The following C12orf56 variants were observed in gnomAD, a reference collection of about 807,000 sequenced individuals.
C12orf56 encodes chromosome 12 open reading frame 56, also known as uncharacterized protein C12orf56.
Under a neutral mutation model 69.9 loss-of-function variants are expected in C12orf56, and 71 were observed. The observed-to-expected ratio is 1.02, with a 90% CI of 0.84 to 1.24. The LOEUF is 1.24. C12orf56 is among the 50% of genes most tolerant of loss of function. The pLI, the probability that C12orf56 is intolerant of heterozygous loss-of-function variation, is 0.00. For missense variants in C12orf56, 732 were observed against 738.5 expected, an observed-to-expected ratio of 0.99 and a Z score of 0.10; for synonymous variants, 276 against 274.1, an observed-to-expected ratio of 1.01 and a Z score of -0.07.
chr12:64,310,305 C>A (rs547553502), intron 5 of C12orf56, among the ~76,000 whole-genome samples: 70 of 152,238 alleles, frequency 4.6e-4, no homozygotes, highest in Middle Eastern at 6.8e-3. Context: ...CCATACCTGG[C>A]CCCACTTCAC....
At chr12:64,365,545 G>A (rs1198896491) in intron 1 of C12orf56, among the ~76,000 whole-genome samples, 1 of 151,428 alleles carries the variant, frequency 6.6e-6, no homozygotes, top group Admixed American at 6.6e-5. Flanking sequence ...CACTGCTAAT[G>A]AGTGGCAGAC....
At chr12:64,354,701 A>G (rs1037508191) in intron 1 of C12orf56, among the ~76,000 whole-genome samples, 8 of 149,690 alleles carry the variant, frequency 5.3e-5, no homozygotes, top group African/African-American at 2.0e-4. Flanking sequence ...TCAGGACCTC[A>G]GGTGATCCAT....
chr12:64,274,576 A>G (rs1400589163), intron 11 of C12orf56, among the ~76,000 whole-genome samples: 2 of 152,160 alleles, frequency 1.3e-5, no homozygotes, highest in Non-Finnish European at 2.9e-5. Flanking sequence ...CAAGTGTTAG[A>G]TTCATGCTCA....
chr12:64,280,871 C>A (rs1025840147), intron 8 of C12orf56, among the ~76,000 whole-genome samples: 5 of 152,154 alleles, frequency 3.3e-5, no homozygotes, highest in African/African-American at 1.2e-4. Flanking sequence ...GCAAAGGATC[C>A]AGTTAAGCTG....
At chr12:64,367,292 C>T (rs148449134) in intron 1 of C12orf56, among the ~76,000 whole-genome samples, 2,003 of 105,854 alleles carry the variant, frequency 0.019, 34 homozygotes, top group Middle Eastern at 0.054. Context: ...ATATAATATA[C>T]AGTTTATATA....
At chr12:64,350,943 AT>A (rs57798284) in intron 2 of C12orf56, among the ~76,000 whole-genome samples, 64,788 of 151,984 alleles carry the variant, frequency 0.43, 14,175 homozygotes, top group Non-Finnish European at 0.48. Flanking sequence ...AAACTTATAC[AT>A]TTGTCATGAA....
chr12:64,328,586 A>T (rs2136858960), intron 3 of C12orf56, among the ~76,000 whole-genome samples: 1 of 149,482 alleles, frequency 6.7e-6, no homozygotes, highest in South Asian at 2.2e-4. Context: ...AGGCTGAGGC[A>T]GGAGAATCAC....
intron 7 of C12orf56, among the ~76,000 whole-genome samples, chr12:64,284,963 G>A (rs1044020081): frequency 3.3e-5 from 5 of 152,212 alleles, no homozygotes; most frequent in East Asian, 1.9e-4. Context: ...TTTGCTGGTC[G>A]GGCGGGGTAG....
intron 1 of C12orf56, among the ~76,000 whole-genome samples, chr12:64,378,157 A>T (rs1473677535): frequency 6.6e-6 from 1 of 152,244 alleles, no homozygotes; most frequent in African/African-American, 2.4e-5. Flanking sequence ...AGTACTGCTC[A>T]CAAATATTAC....
chr12:64,276,010 C>T (rs1003363379), intron 9 of C12orf56, among the ~76,000 whole-genome samples: 5 of 150,724 alleles, frequency 3.3e-5, no homozygotes, highest in East Asian at 2.0e-4. Flanking sequence ...CACCCCCCCC[C>T]GCGAGTTGAG....
intron 6 of C12orf56, among the ~76,000 whole-genome samples, 170 bp downstream of exon 6, chr12:64,303,465 T>C (rs897128012): frequency 6.6e-6 from 1 of 151,194 alleles, no homozygotes; most frequent in Non-Finnish European, 1.5e-5. Flanking sequence ...ACATTACTGA[T>C]TGCATCACAA....
Position 64,277,356 on chromosome 12 carries a change from T to G in C12orf56, c.1434+324A>C, listed in dbSNP as rs953152888. On this transcript the variant is annotated intron_variant, in intron 9 of 12. Transcript: ENST00000543942. The stretch of plus-strand genomic sequence containing the variant: ...GCTATGGAATTACATATACATCATG[T>G]TTTGTACACAGACAGACATAAACAG... Among the ~76,000 whole-genome samples, 71 of 152,254 alleles carry G rather than the reference T, an allele frequency of 4.7e-4. 1 individual carries two copies. The highest frequency in any genetic ancestry group is 1.7e-3 in the African/African-American group (70 of 41,560).
rs151023743 is a variant in C12orf56 at position 64,281,202 on chromosome 12, G to A, written c.1311-3399C>T. 1.9e-4 allele frequency among the ~76,000 whole-genome samples: 29 copies of A among 152,118 alleles called. 1 individual carries two copies. In the East Asian group the frequency reaches 4.1e-3, roughly 21 times the overall value. ...GCACAAGAATTGCTTGAACCCAGGGGGCGGAGATTACAGTCAGCCAAGATC... is the reference window on the plus strand; with the variant it reads ...GCACAAGAATTGCTTGAACCCAGGGAGCGGAGATTACAGTCAGCCAAGATC... On this transcript the variant is annotated intron_variant, in intron 8 of 12. Coordinates refer to ENST00000543942, the MANE Select transcript of C12orf56 (RefSeq NM_001170633.2).
At position 64,267,116 on chromosome 12, in the gene C12orf56, G is replaced by A. The variant is rs184123767; in HGVS notation, c.*67C>T. The A allele has an allele frequency of 3.7e-4, 437 of 1,177,090 alleles. No individual in the cohort carries two copies. Among genetic ancestry groups the A allele is most frequent in the Middle Eastern group, 2.7e-3 (14 of 5,144 alleles). The allele number at this position is 1,177,090 out of a possible 1,614,324, so 72.9% of individuals were successfully genotyped here. A position where few individuals can be genotyped will look rare whatever the true frequency, so the allele number is the denominator to read the frequency against. The stretch of plus-strand genomic sequence containing the variant: ...TTAAACAAATAAAAAAATGTTTCTC[G>A]TGAATATCAAGTTGACTCTTGATTA... On this transcript the variant is annotated 3_prime_UTR_variant, in exon 13 of 13. Transcript: ENST00000543942.
At chr12:64,332,566 T>C (rs2038945694) in intron 2 of C12orf56, among the ~76,000 whole-genome samples, 1 of 152,252 alleles carries the variant, frequency 6.6e-6, no homozygotes, top group East Asian at 1.9e-4. Context: ...TTCTTTGGAG[T>C]GCTGCGGGCA....
chr12:64,269,016 G>T (rs1388467806), intron 12 of C12orf56, among the ~76,000 whole-genome samples: 3 of 151,946 alleles, frequency 2.0e-5, no homozygotes, highest in Non-Finnish European at 4.4e-5. Context: ...CATGCCTGTA[G>T]TCCCAACTAC....
At chr12:64,310,980 G>A (rs566128575) in intron 5 of C12orf56, among the ~76,000 whole-genome samples, 6 of 150,860 alleles carry the variant, frequency 4.0e-5, no homozygotes, top group Admixed American at 1.3e-4. Context: ...TTGGTTTCTC[G>A]TCCCTGCAAT....
chr12:64,357,445 C>T lies in C12orf56; in HGVS notation c.253-4389G>A, dbSNP rs545527547. Among the ~76,000 whole-genome samples, 12 of 148,586 alleles carry T rather than the reference C, an allele frequency of 8.1e-5. 1 individual carries two copies. The East Asian group carries it at 2.4e-3, about 29-fold the overall frequency. On this transcript the variant is annotated intron_variant, in intron 1 of 12. Transcript: ENST00000543942. ...TTTTTTTTTTTGAGACAGGGTTGAG[C>T]TCTGTAGCCAAGGCTGGAGTGCAGT...
chr12:64,297,181 C>A lies in C12orf56; in HGVS notation c.1113+6454G>T, dbSNP rs545604918. ...CTGCTTTAGCTTAAGGCTATGATAA[C>A]AATTTAAATAAAAAAATCTTAAAGG... On this transcript the variant is annotated intron_variant, in intron 6 of 12. Transcript: ENST00000543942. Among the ~76,000 whole-genome samples, 7 of 152,096 alleles carry A rather than the reference C, an allele frequency of 4.6e-5. No homozygotes were observed. In the East Asian group the frequency reaches 1.4e-3, roughly 29 times the overall value.
Sources: gnomAD v4.1 joint callset for allele counts (sites outside exome capture counted in the v4.1 genomes callset) on GRCh38, gnomAD v4.1.1 for gene constraint, MANE v1.5 for transcripts, NCBI Gene and HGNC (gene_info 2026-07-23, HGNC 2026-07-21) for gene names.